RALB: variants seen among roughly 807,000 people sequenced by gnomAD.
RALB encodes the protein ras-related protein Ral-B.
In RALB, 16 loss-of-function variants were observed where a neutral mutation model predicts 21.3. The ratio of observed to expected loss-of-function variants is 0.75; its 90% CI spans 0.51 to 1.14. RALB has a LOEUF of 1.14. Among genes scored for constraint, RALB ranks in the 50% most tolerant of loss-of-function variants. The pLI is 0.00. For synonymous variants in RALB, 93 were observed against 96.1 expected, an observed-to-expected ratio of 0.97 and a Z score of 0.19; for missense variants, 161 against 256.2, an observed-to-expected ratio of 0.63 and a Z score of 2.54.
chr2:120,262,132 C>T (rs893913523), intron 1 of RALB, among the ~76,000 whole-genome samples: 1 of 152,004 alleles, frequency 6.6e-6, no homozygotes, highest in African/African-American at 2.4e-5. Context: ...GGGAAGTGAC[C>T]AGGAAGTCTG....
At chr2:120,261,057 G>A (rs150521272) in intron 1 of RALB, among the ~76,000 whole-genome samples, 1 of 152,276 alleles carries the variant, frequency 6.6e-6, no homozygotes, top group African/African-American at 2.4e-5. Flanking sequence ...CAGAATATGC[G>A]TTTTCACAAG....
intron 1 of RALB, among the ~76,000 whole-genome samples, chr2:120,277,875 A>C (rs1231145232): frequency 1.3e-5 from 1 of 76,726 alleles, no homozygotes; most frequent in African/African-American, 6.3e-5. Context: ...GAATGTGAGA[A>C]CATGAGTGTG....
chr2:120,280,891 T>C (rs1266483632), intron 2 of RALB: 3 of 443,292 alleles, frequency 6.8e-6, no homozygotes, highest in African/African-American at 4.1e-5. Context: ...AACAAAAAAG[T>C]AGAAGGTATT....
intron 4 of RALB, among the ~76,000 whole-genome samples, chr2:120,292,571 A>G (rs1690330225): frequency 6.6e-6 from 1 of 152,168 alleles, no homozygotes; most frequent in South Asian, 2.1e-4. Context: ...TACTCTCAAT[A>G]TTTGTAAATT....
intron 1 of RALB, among the ~76,000 whole-genome samples, chr2:120,275,222 C>G (rs1689760772): frequency 6.6e-6 from 1 of 152,246 alleles, no homozygotes; most frequent in Non-Finnish European, 1.5e-5. Flanking sequence ...TGTCTCAATT[C>G]TAACTGCTAC....
At chr2:120,263,131 G>A (rs552624924) in intron 1 of RALB, among the ~76,000 whole-genome samples, 1 of 152,310 alleles carries the variant, frequency 6.6e-6, no homozygotes, top group African/African-American at 2.4e-5. Context: ...TGGCTCTGAG[G>A]CCAGTTTCTT....
At chr2:120,264,732 T>C (rs1309790783) in intron 1 of RALB, among the ~76,000 whole-genome samples, 1 of 152,162 alleles carries the variant, frequency 6.6e-6, no homozygotes, top group Non-Finnish European at 1.5e-5. Context: ...ACTGAACCTC[T>C]GCACCCATTA....
rs751217728 is a variant in RALB, at chr2:120,293,196, A to G, written c.557A>G (p.Asp186Gly). ...ACAAAGAAGATGTCAGAAAACAAAG[A>G]CAAGAATGGCAAGAAAAGCAGCAAG... is the stretch of plus-strand genomic sequence containing the variant. ...IRTKKMSENKDKNGKKSSKNK... is the reference protein window; with the variant it reads ...IRTKKMSENKGKNGKKSSKNK... Residue 186 changes from aspartate to glycine, a missense_variant, in exon 5 of 5, where the codon GAC (aspartate) becomes GGC (glycine). Coordinates refer to ENST00000272519, the MANE Select transcript of RALB (RefSeq NM_002881.3). 4.3e-6 allele frequency: 7 copies of G among 1,613,776 alleles called. No individual in the cohort carries two copies. The highest frequency in any genetic ancestry group is 5.9e-6 in the Non-Finnish European group (7 of 1,179,876).
chr2:120,293,499 C>T lies in RALB; in HGVS notation c.*239C>T, dbSNP rs976387537. ...GAATTTCTTTCTTCTCCCCTTCTTC[C>T]CTCCCAAAAGCTTAGCTATGTATAA... On this transcript the variant is annotated 3_prime_UTR_variant, in exon 5 of 5. Transcript: ENST00000272519. 3.5e-6 allele frequency: 1 copy of T among 287,698 alleles called. No homozygotes were observed. The highest frequency in any genetic ancestry group is 6.4e-6 in the Non-Finnish European group (1 of 156,690). The allele number at this position is 287,698 out of a possible 1,614,324, so 17.8% of individuals were successfully genotyped here. A position where few individuals can be genotyped will look rare whatever the true frequency, so the allele number is the denominator to read the frequency against.
In RALB at chr2:120,243,252, G is replaced by A. The variant is rs150009826; in HGVS notation, c.19+3127G>A. ...GAGGACAAGGGCCATGTAATTGGTC[G>A]TGAAAATGCGTGGACAGATCAGGGA... On this transcript the variant is annotated intron_variant, in intron 1 of 3. Coordinates refer to the RALB transcript ENST00000447591. Among the ~76,000 whole-genome samples the A allele has an allele frequency of 1.8e-3, 273 of 152,366 alleles. 1 individual carries two copies. Among genetic ancestry groups the A allele is most frequent in the African/African-American group, 6.2e-3 (257 of 41,588 alleles).
Position 120,288,171 on chromosome 2 carries a change from C to T in RALB, c.324-1409C>T, listed in dbSNP as rs140228073. On this transcript the variant is annotated intron_variant, in intron 3 of 4. Transcript: ENST00000272519. The stretch of plus-strand genomic sequence containing the variant: ...CAGAAAGCTATCAGTTTTTATTGTT[C>T]ATAGTTTATAATGATCACATGACTT... 2.4e-3 allele frequency among the ~76,000 whole-genome samples: 367 copies of T among 152,166 alleles called. 1 individual carries two copies. The highest frequency in any genetic ancestry group is 7.8e-3 in the African/African-American group (322 of 41,520).
At chr2:120,278,238 T>A (rs560257890) in intron 1 of RALB, among the ~76,000 whole-genome samples, 55 of 152,284 alleles carry the variant, frequency 3.6e-4, no homozygotes, top group African/African-American at 1.3e-3. Flanking sequence ...GGTCCCAAGC[T>A]GTTCTCCGCG....
chr2:120,293,091 A>C (rs1402427243), intron 4 of RALB, 50 bp from the exon 5 acceptor site: 2 of 1,526,052 alleles, frequency 1.3e-6, no homozygotes, highest in Non-Finnish European at 1.8e-6. Context: ...AAAAATCATT[A>C]AATGGCTCTT....
chr2:120,257,922 C>T (rs1689238298), intron 1 of RALB, among the ~76,000 whole-genome samples: 1 of 152,188 alleles, frequency 6.6e-6, no homozygotes, highest in Non-Finnish European at 1.5e-5. Context: ...TTAAAAATCT[C>T]AAATTATATG....
upstream of RALB, among the ~76,000 whole-genome samples, chr2:120,248,626 A>G (rs1446429349): frequency 6.6e-6 from 1 of 152,110 alleles, no homozygotes; most frequent in Non-Finnish European, 1.5e-5. Context: ...CAACCCTCAC[A>G]GCCCAATCTC....
At chr2:120,258,973 G>A (rs1423722509) in intron 1 of RALB, among the ~76,000 whole-genome samples, 1 of 151,408 alleles carries the variant, frequency 6.6e-6, no homozygotes. Flanking sequence ...TGGTCTCGCT[G>A]GCTCAGGAGT....
chr2:120,265,286 C>T (rs1392193416), intron 1 of RALB, among the ~76,000 whole-genome samples: 1 of 152,092 alleles, frequency 6.6e-6, no homozygotes, highest in African/African-American at 2.4e-5. Context: ...GTTACTGTAC[C>T]GAATACCGTG....
At chr2:120,267,044 T>C (rs1478971395) in intron 1 of RALB, among the ~76,000 whole-genome samples, 7 of 151,948 alleles carry the variant, frequency 4.6e-5, no homozygotes, top group Admixed American at 4.6e-4. Context: ...AAATTATAGG[T>C]GATCCTCCTC....
chr2:120,259,526 ACT>A (rs760238178), intron 1 of RALB, among the ~76,000 whole-genome samples: 1 of 150,204 alleles, frequency 6.7e-6, no homozygotes, highest in Non-Finnish European at 1.5e-5. Context: ...AGACGTAAAG[ACT>A]CTCCACGTCC....
Sources: gnomAD v4.1 joint callset for allele counts (sites outside exome capture counted in the v4.1 genomes callset) on GRCh38, gnomAD v4.1.1 for gene constraint, MANE v1.5 for transcripts, NCBI Gene and HGNC (gene_info 2026-07-23, HGNC 2026-07-21) for gene names.